CHST9: variants seen among roughly 807,000 people sequenced by gnomAD.
CHST9 encodes the protein GalNAc-4-sulfotransferase 2.
CHST9 carries 41 observed loss-of-function variants against 44.4 expected under a neutral mutation model. That is an observed-to-expected ratio of 0.92 (90% CI 0.72 to 1.20). CHST9 has a LOEUF of 1.20. Ranked by LOEUF, CHST9 falls within the 50% of genes most tolerant of loss-of-function variation. The probability of loss-of-function intolerance (pLI) is 0.00; values close to 1 mark genes in which losing one functional copy is unlikely to be tolerated. For missense variants in CHST9, 504 were observed against 516.5 expected (o/e 0.98, Z 0.23); for synonymous variants, 171 against 178.4 (o/e 0.96, Z 0.33).
intron 2 of CHST9, among the ~76,000 whole-genome samples, chr18:27,077,040 T>C (rs1454266758): frequency 1.3e-5 from 2 of 152,226 alleles, no homozygotes; most frequent in Non-Finnish European, 2.9e-5. Flanking sequence ...TTATACTGTG[T>C]TCTTATAATG....
chr18:26,987,831 C>T (rs543281078), intron 4 of CHST9, among the ~76,000 whole-genome samples: 2 of 152,174 alleles, frequency 1.3e-5, no homozygotes, highest in African/African-American at 2.4e-5. Context: ...TGTGAGGACC[C>T]GAAGAGAAAT....
intron 2 of CHST9, among the ~76,000 whole-genome samples, chr18:27,138,096 C>A (rs1057320488): frequency 2.6e-5 from 4 of 152,130 alleles, no homozygotes; most frequent in African/African-American, 9.7e-5. Context: ...GCCTGCAACT[C>A]ATTAGTTTGT....
intron 2 of CHST9, among the ~76,000 whole-genome samples, chr18:27,092,539 G>C (rs911486911): frequency 3.3e-5 from 5 of 152,032 alleles, no homozygotes; most frequent in Non-Finnish European, 7.4e-5. Flanking sequence ...TGTGGTGTTA[G>C]GGTGTTGATT....
At chr18:26,961,479 G>C (rs1211383516) in intron 4 of CHST9, among the ~76,000 whole-genome samples, 3 of 151,992 alleles carry the variant, frequency 2.0e-5, no homozygotes, top group Non-Finnish European at 2.9e-5. Context: ...GCCCAGGCTG[G>C]AGTGCAATGG....
At chr18:27,062,878 T>C (rs1164568118) in intron 2 of CHST9, among the ~76,000 whole-genome samples, 1 of 152,230 alleles carries the variant, frequency 6.6e-6, no homozygotes, top group East Asian at 1.9e-4. Flanking sequence ...TGCTATCTCA[T>C]TGTGGTTTTG....
intron 2 of CHST9, among the ~76,000 whole-genome samples, chr18:27,053,526 G>A (rs1013239670): frequency 2.0e-5 from 3 of 151,930 alleles, no homozygotes; most frequent in African/African-American, 7.3e-5. Context: ...CTTTCTCACT[G>A]CCATCACCCT....
intron 2 of CHST9, among the ~76,000 whole-genome samples, chr18:27,071,612 T>A (rs2057840662): frequency 6.6e-6 from 1 of 152,206 alleles, no homozygotes; most frequent in East Asian, 1.9e-4. Flanking sequence ...GTGGTAAATA[T>A]TAGACTTTTT....
chr18:26,942,493 T>C (rs2056098677), intron 5 of CHST9, among the ~76,000 whole-genome samples: 1 of 152,228 alleles, frequency 6.6e-6, no homozygotes, highest in Non-Finnish European at 1.5e-5. Flanking sequence ...TTTAAGATTA[T>C]GAGTAAATAT....
In CHST9 at chr18:27,139,596, G is replaced by T. The variant is rs570147007; in HGVS notation, c.121+3093C>A. 4.6e-5 allele frequency among the ~76,000 whole-genome samples: 7 copies of T among 152,048 alleles called. No homozygotes were observed. In the East Asian group the frequency reaches 9.7e-4, roughly 21 times the overall value. On this transcript the variant is annotated intron_variant, in intron 2 of 5. Transcript: ENST00000618847. ...CCTAGTATAAGGCAGAACTTCAGAT[G>T]GAAGTCTTCTTAAAGAATATTACAG...
intron 2 of CHST9, among the ~76,000 whole-genome samples, chr18:27,094,185 G>A (rs979402859): frequency 6.6e-6 from 1 of 152,084 alleles, no homozygotes; most frequent in Non-Finnish European, 1.5e-5. Flanking sequence ...AATGAACTGG[G>A]GGAATCATAA....
chr18:26,949,034 C>A (rs1387503598), intron 4 of CHST9, among the ~76,000 whole-genome samples: 1 of 152,042 alleles, frequency 6.6e-6, no homozygotes, highest in Non-Finnish European at 1.5e-5. Context: ...AGGAGGCCAG[C>A]AAAAGTCTTT....
intron 5 of CHST9, among the ~76,000 whole-genome samples, chr18:26,941,961 G>T (rs556922962): frequency 6.6e-6 from 1 of 152,248 alleles, no homozygotes; most frequent in African/African-American, 2.4e-5. Context: ...CCTGATGTGG[G>T]GGGGAGAAAA....
intron 1 of CHST9, among the ~76,000 whole-genome samples, chr18:27,181,114 G>T (rs2058908276): frequency 6.6e-6 from 1 of 152,050 alleles, no homozygotes; most frequent in South Asian, 2.1e-4. Flanking sequence ...GTGAATATTT[G>T]AAATAAAAAT....
intron 2 of CHST9, among the ~76,000 whole-genome samples, chr18:27,097,659 T>C (rs1310839191): frequency 6.6e-6 from 1 of 152,126 alleles, no homozygotes; most frequent in Non-Finnish European, 1.5e-5. Context: ...TCTTTGCCCA[T>C]GCCTATGTCC....
chr18:27,105,147 T>A (rs768000861), intron 2 of CHST9, among the ~76,000 whole-genome samples: 1 of 152,018 alleles, frequency 6.6e-6, no homozygotes, highest in Non-Finnish European at 1.5e-5. Context: ...AATAGATAAA[T>A]TTTTTAAAAA....
rs555812235 is a variant in CHST9 at position 27,111,560 on chromosome 18, A to G, written c.121+31129T>C. On this transcript the variant is annotated intron_variant, in intron 2 of 5. Coordinates refer to ENST00000618847, the MANE Select transcript of CHST9 (RefSeq NM_031422.6). ...AAATGACACAAAGCCCCTTACACAC[A>G]TAAGAATTCAAGAGTGCCACACAAA... Among the ~76,000 whole-genome samples, 7 of 152,216 alleles carry G rather than the reference A, an allele frequency of 4.6e-5. No homozygotes were observed. The South Asian group carries it at 1.0e-3, about 23-fold the overall frequency.
At chr18:27,010,837 A>G (rs1412530366) in intron 4 of CHST9, among the ~76,000 whole-genome samples, 3 of 152,190 alleles carry the variant, frequency 2.0e-5, no homozygotes, top group African/African-American at 7.2e-5. Context: ...CCAGCTGCAG[A>G]AGCTATAGTC....
Position 26,944,369 on chromosome 18 carries a change from G to A in CHST9, c.203-3C>T. 1.2e-6 allele frequency: 2 copies of A among 1,602,912 alleles called. No homozygotes were observed. Among genetic ancestry groups the A allele is most frequent in the African/African-American group, 1.3e-5 (1 of 74,758 alleles). Reference sequence around the variant, plus strand: ...TTCCTGGATTTTTTCTGTACTCACTGAAAGAGAAAGCAAAAAGAATTTTTA... The same window carrying A: ...TTCCTGGATTTTTTCTGTACTCACTAAAAGAGAAAGCAAAAAGAATTTTTA... On this transcript the variant is annotated splice_polypyrimidine_tract_variant and splice_region_variant and intron_variant, in intron 4 of 5. Transcript: ENST00000618847.
intron 3 of CHST9, among the ~76,000 whole-genome samples, chr18:27,024,796 C>T (rs1190327209): frequency 2.0e-5 from 3 of 152,108 alleles, no homozygotes; most frequent in South Asian, 4.1e-4. Context: ...CTGTAGTAAA[C>T]AGCTATAAGA....
Sources: allele counts gnomAD v4.1 joint callset (sites outside exome capture counted in the v4.1 genomes callset), GRCh38; gene constraint gnomAD v4.1.1; transcripts MANE v1.5; gene names NCBI Gene and HGNC (gene_info 2026-07-23, HGNC 2026-07-21).